RYR2: variants seen among roughly 807,000 people sequenced by gnomAD.
RYR2 encodes the protein ryanodine receptor 2, also known as cardiac muscle ryanodine receptor-calcium release channel.
Under a neutral mutation model 601.1 loss-of-function variants are expected in RYR2, and 227 were observed. The observed-to-expected ratio is 0.38, with a 90% CI of 0.34 to 0.42. The LOEUF (loss-of-function observed/expected upper bound fraction) is 0.42, where lower values mean the gene tolerates loss of function less well. Among genes scored for constraint, RYR2 ranks in the 10% least tolerant of loss-of-function variants. The pLI is 1.00. For missense variants in RYR2, 4,646 were observed against 6,156.5 expected (o/e 0.75, Z 8.21); for synonymous variants, 2,223 against 2,175.1 (o/e 1.02, Z -0.61).
At chr1:237,723,301 C>A in intron 74 of RYR2, 39 bp downstream of exon 74, 1 of 1,551,096 alleles carries the variant, frequency 6.4e-7, no homozygotes, top group Non-Finnish European at 8.8e-7. Flanking sequence ...TTGCCTTAGC[C>A]ACATACAAAT....
chr1:237,066,439 T>G (rs550533516), intron 1 of RYR2, among the ~76,000 whole-genome samples: 1 of 152,322 alleles, frequency 6.6e-6, no homozygotes, highest in African/African-American at 2.4e-5. Context: ...CCAGGGTGGC[T>G]GCAGTTTTAG....
rs1274610304 is a variant in RYR2 at position 237,654,426 on chromosome 1, G to T, written c.7965+12G>T. On this transcript the variant is annotated intron_variant, in intron 52 of 104. Coordinates refer to ENST00000366574, the MANE Select transcript of RYR2 (RefSeq NM_001035.3). ...CCCTGTCTCAAAAGGTAATTTAATG[G>T]TTTGTGGGTTTGTTTGTATCAATAA... 1 of 1,613,066 alleles carries T rather than the reference G, an allele frequency of 6.2e-7. No homozygotes were observed. The highest frequency in any genetic ancestry group is 8.5e-7 in the Non-Finnish European group (1 of 1,179,302).
intron 3 of RYR2, among the ~76,000 whole-genome samples, chr1:237,353,511 G>GAAAAAAA: frequency 1.9e-5 from 1 of 52,704 alleles, no homozygotes; most frequent in South Asian, 7.8e-4. Flanking sequence ...TCCGTCTCAA[G>GAAAAAAA]AAAAAAAAAA....
At chr1:237,615,307 T>G (rs77042224) in intron 37 of RYR2, among the ~76,000 whole-genome samples, 14,780 of 152,156 alleles carry the variant, frequency 0.097, 1,560 homozygotes, top group African/African-American at 0.26. Flanking sequence ...TCCTCCCACC[T>G]CAGCTTCTAC....
chr1:237,289,102 G>A (rs187689207), intron 2 of RYR2, among the ~76,000 whole-genome samples: 1 of 152,282 alleles, frequency 6.6e-6, no homozygotes, highest in East Asian at 1.9e-4. Context: ...ATATTTGGGA[G>A]AGGAGGGCCG....
intron 24 of RYR2, among the ~76,000 whole-genome samples, chr1:237,517,027 A>G (rs1469999201): frequency 2.6e-5 from 4 of 152,178 alleles, no homozygotes; most frequent in African/African-American, 7.2e-5. Flanking sequence ...TGGAACTTGG[A>G]GTCTGATATC....
rs1705757695 is a variant in RYR2, at chr1:237,423,076, TAA to T, written c.849-15_849-14del. 6.2e-7 allele frequency: 1 copy of T among 1,609,234 alleles called. No individual in the cohort carries two copies. Among genetic ancestry groups the T allele is most frequent in the Non-Finnish European group, 8.5e-7 (1 of 1,178,566 alleles). On this transcript the variant is annotated splice_polypyrimidine_tract_variant and intron_variant, in intron 11 of 104. Coordinates refer to ENST00000366574, the MANE Select transcript of RYR2 (RefSeq NM_001035.3). ...TTGTGGGTGCTATTGGATCAAGTCC[TAA>T]CTGTTTTCATTAGGTGGAGTGGAAG...
intron 38 of RYR2, among the ~76,000 whole-genome samples, chr1:237,621,401 A>G (rs1157065802): frequency 6.6e-6 from 1 of 152,150 alleles, no homozygotes; most frequent in Non-Finnish European, 1.5e-5. Context: ...AGAAGTCACT[A>G]ATGTAGATAA....
intron 74 of RYR2, among the ~76,000 whole-genome samples, chr1:237,724,358 C>T (rs954037408): frequency 1.3e-5 from 2 of 151,036 alleles, no homozygotes; most frequent in African/African-American, 4.9e-5. Flanking sequence ...TCTGAACCCT[C>T]ACCCCTGCCC....
intron 58 of RYR2, among the ~76,000 whole-genome samples, chr1:237,669,226 A>G (rs996875716): frequency 4.2e-4 from 63 of 150,892 alleles, no homozygotes; most frequent in Non-Finnish European, 7.4e-4. Context: ...CCCAAGGCAG[A>G]AGAATTTTTC....
chr1:237,383,035 G>GA (rs1409690905), intron 8 of RYR2, among the ~76,000 whole-genome samples: 3 of 151,730 alleles, frequency 2.0e-5, no homozygotes, highest in Non-Finnish European at 4.4e-5. Context: ...CGAAGTACCT[G>GA]AAAGTTTAAT....
rs568336540 is a variant in RYR2, at chr1:237,314,884, A to C, written c.169-15994A>C. ...CCACTATTGCCATAAATTGTGGCACAATGAAATTAACATAAACTGGGATTA... is the reference window on the plus strand; with the variant it reads ...CCACTATTGCCATAAATTGTGGCACCATGAAATTAACATAAACTGGGATTA... On this transcript the variant is annotated intron_variant, in intron 2 of 104. Coordinates refer to ENST00000366574, the MANE Select transcript of RYR2 (RefSeq NM_001035.3). 6.1e-4 allele frequency among the ~76,000 whole-genome samples: 93 copies of C among 152,340 alleles called. No homozygotes were observed. In the Middle Eastern group the frequency reaches 0.01, roughly 17 times the overall value.
chr1:237,739,137 T>C (rs928223442), intron 79 of RYR2, among the ~76,000 whole-genome samples: 1 of 152,358 alleles, frequency 6.6e-6, no homozygotes, highest in African/African-American at 2.4e-5. Flanking sequence ...CTCTCTATTA[T>C]GATGAGTACA....
At chr1:237,416,643 A>G (rs1414778783) in intron 10 of RYR2, among the ~76,000 whole-genome samples, 1 of 152,138 alleles carries the variant, frequency 6.6e-6, no homozygotes, top group Non-Finnish European at 1.5e-5. Context: ...ATATGTTGAA[A>G]TAATGATATA....
intron 77 of RYR2, 50 bp from the exon 78 acceptor site, chr1:237,731,996 G>T: frequency 8.1e-7 from 1 of 1,236,150 alleles, no homozygotes; most frequent in Middle Eastern, 1.9e-4. Flanking sequence ...TTGGATTTGA[G>T]TGAACATTTT....
chr1:237,236,707 T>C (rs866120225), intron 1 of RYR2, among the ~76,000 whole-genome samples: 1 of 152,098 alleles, frequency 6.6e-6, no homozygotes. Context: ...AGAACTTAGA[T>C]TGAGTGTAAG....
intron 1 of RYR2, among the ~76,000 whole-genome samples, chr1:237,197,759 G>A (rs758239119): frequency 1.3e-5 from 2 of 152,218 alleles, no homozygotes; most frequent in Non-Finnish European, 2.9e-5. Flanking sequence ...CAGCTACAGT[G>A]TACTTAAAAT....
chr1:237,562,802 G>A (rs888688577), intron 27 of RYR2, among the ~76,000 whole-genome samples: 11 of 152,026 alleles, frequency 7.2e-5, no homozygotes, highest in African/African-American at 2.7e-4. Context: ...AAGGATGTTC[G>A]GGGGAGAGTT....
In RYR2 at chr1:237,106,821, C is replaced by T. The variant is rs75600160; in HGVS notation, c.48+64252C>T. 7.2e-5 allele frequency among the ~76,000 whole-genome samples: 11 copies of T among 152,290 alleles called. No homozygotes were observed. Among genetic ancestry groups the T allele is most frequent in the East Asian group, 5.8e-4 (3 of 5,170 alleles). ...AGCAATTTGGTGTCTGGTGAAGGCT[C>T]GCTTCCTGGTTCATAGGCGGCTGTC... On this transcript the variant is annotated intron_variant, in intron 1 of 104. Coordinates refer to ENST00000366574, the MANE Select transcript of RYR2 (RefSeq NM_001035.3). The surrounding 1 kb of genome is among the most constrained non-coding windows in gnomAD (Gnocchi z 4.4).
Sources: gnomAD v4.1 joint callset for allele counts (sites outside exome capture counted in the v4.1 genomes callset) on GRCh38, gnomAD v4.1.1 for gene constraint, Gnocchi (gnomAD v3.1) non-coding constraint, MANE v1.5 for transcripts, NCBI Gene and HGNC (gene_info 2026-07-23, HGNC 2026-07-21) for gene names.